Variants in MAST4 observed in about 807,000 individuals in gnomAD.
MAST4 encodes the protein microtubule-associated serine/threonine-protein kinase 4.
A neutral mutation model predicts 162.7 loss-of-function variants in MAST4; 89 were observed. The observed-to-expected ratio is 0.55, with a 90% confidence interval of 0.46 to 0.65. The LOEUF is 0.65. Among genes scored for constraint, MAST4 ranks in the 30% least tolerant of loss-of-function variants. The pLI, the probability that MAST4 is intolerant of heterozygous loss-of-function variation, is 0.00. For missense variants in MAST4, 3,153 were observed against 3,374.0 expected, an observed-to-expected ratio of 0.93 and a Z score of 1.62; for synonymous variants, 1,479 against 1,361.1, an observed-to-expected ratio of 1.09 and a Z score of -1.91.
In MAST4 at chr5:67,051,240, C is replaced by G. The variant is rs139021928; in HGVS notation, c.675-3164C>G. 2.1e-4 allele frequency among the ~76,000 whole-genome samples: 31 copies of G among 149,772 alleles called. No homozygotes were observed. The East Asian group carries it at 5.1e-3, about 25-fold the overall frequency. The stretch of plus-strand genomic sequence containing the variant: ...AGTTGTGCTGGTGAAAAGGAAGGAG[C>G]CTTTAATTTGCCTGAGTGGAGATGT... On this transcript the variant is annotated intron_variant, in intron 4 of 28. Coordinates refer to ENST00000403625, the MANE Select transcript of MAST4 (RefSeq NM_001164664.2).
intron 4 of MAST4, among the ~76,000 whole-genome samples, chr5:66,903,489 A>C (rs973825224): frequency 6.6e-6 from 1 of 151,282 alleles, no homozygotes; most frequent in Non-Finnish European, 1.5e-5. Flanking sequence ...ATTTTGTCTC[A>C]TAATGAAGAT....
At chr5:67,133,774 C>A in intron 17 of MAST4, 128 bp downstream of exon 17, 1 of 1,044,692 alleles carries the variant, frequency 9.6e-7, no homozygotes, top group Non-Finnish European at 1.4e-6. Context: ...ATAAACCTTA[C>A]ATTTAATAAA....
rs142962244 is a variant in MAST4 at position 66,664,835 on chromosome 5, A to G, written c.363+67817A>G. Among the ~76,000 whole-genome samples, 9 of 152,308 alleles carry G rather than the reference A, an allele frequency of 5.9e-5. No individual in the cohort carries two copies. In the East Asian group the frequency reaches 1.2e-3, roughly 20 times the overall value. ...TTTGTTAGGAGAACTGGAAATTTAA[A>G]AACAAATGGAAACATTACAACGAGA... is the stretch of plus-strand genomic sequence containing the variant. On this transcript the variant is annotated intron_variant, in intron 1 of 28. Coordinates refer to ENST00000403625, the MANE Select transcript of MAST4 (RefSeq NM_001164664.2).
chr5:67,060,518 C>T (rs577177117), intron 5 of MAST4, among the ~76,000 whole-genome samples: 2 of 145,716 alleles, frequency 1.4e-5, no homozygotes, highest in East Asian at 4.0e-4. Flanking sequence ...TGCTCTGTCG[C>T]CCAGGCTGGA....
chr5:66,724,731 T>A (rs1370161623), intron 1 of MAST4, among the ~76,000 whole-genome samples: 1 of 152,122 alleles, frequency 6.6e-6, no homozygotes, highest in East Asian at 1.9e-4. Context: ...ATCATAAGTA[T>A]TTTTATATCT....
rs1365732938 is a variant in MAST4 at position 66,928,403 on chromosome 5, G to C, written c.674+28421G>C. Among the ~76,000 whole-genome samples the C allele has an allele frequency of 2.6e-5, 4 of 152,304 alleles. No homozygotes were observed. In the East Asian group the frequency reaches 7.7e-4, roughly 29 times the overall value. On this transcript the variant is annotated intron_variant, in intron 4 of 28. Coordinates refer to ENST00000403625, the MANE Select transcript of MAST4 (RefSeq NM_001164664.2). The stretch of plus-strand genomic sequence containing the variant: ...CTTGTTGGGGAGAGGACAATTGAAG[G>C]GTTCATTTGCCAGTTTGCAAAGTCA...
intron 1 of MAST4, among the ~76,000 whole-genome samples, chr5:66,611,574 T>C (rs997353523): frequency 6.6e-6 from 1 of 152,254 alleles, no homozygotes; most frequent in African/African-American, 2.4e-5. Flanking sequence ...TCAGAGCCTC[T>C]CTTGATATCT....
At chr5:66,673,516 G>GTTTTT (rs1422436456) in intron 1 of MAST4, among the ~76,000 whole-genome samples, 4 of 134,784 alleles carry the variant, frequency 3.0e-5, no homozygotes, top group East Asian at 4.2e-4. Flanking sequence ...AGTTTTTTTT[G>GTTTTT]TTTTTTGTTT....
At chr5:66,659,626 T>G (rs909300332) in intron 1 of MAST4, among the ~76,000 whole-genome samples, 3 of 152,248 alleles carry the variant, frequency 2.0e-5, no homozygotes, top group African/African-American at 7.2e-5. Context: ...TTTGTTATCA[T>G]GTATTTATTG....
intron 1 of MAST4, among the ~76,000 whole-genome samples, chr5:66,728,021 G>A (rs1245405867): frequency 6.6e-6 from 1 of 152,126 alleles, no homozygotes; most frequent in East Asian, 1.9e-4. Context: ...AGGTTTTTAA[G>A]CTCTAAAATG....
intron 4 of MAST4, among the ~76,000 whole-genome samples, chr5:66,944,754 G>A (rs1244123609): frequency 6.6e-6 from 1 of 152,062 alleles, no homozygotes; most frequent in African/African-American, 2.4e-5. Context: ...AGCCTAGACA[G>A]GGCTCAGCTG....
At chr5:66,633,659 A>G (rs1744922874) in intron 1 of MAST4, among the ~76,000 whole-genome samples, 1 of 152,204 alleles carries the variant, frequency 6.6e-6, no homozygotes, top group African/African-American at 2.4e-5. Flanking sequence ...AGTTTCAAGA[A>G]TTCAAATACT....
intron 1 of MAST4, among the ~76,000 whole-genome samples, chr5:66,724,857 G>C (rs532733239): frequency 1.3e-5 from 2 of 152,094 alleles, no homozygotes; most frequent in African/African-American, 4.8e-5. Flanking sequence ...AGCACTGACT[G>C]TATCTTAAAT....
intron 1 of MAST4, among the ~76,000 whole-genome samples, chr5:66,753,652 A>G (rs1753334611): frequency 6.6e-6 from 1 of 151,530 alleles, no homozygotes; most frequent in African/African-American, 2.4e-5. Flanking sequence ...AATTGTGGCA[A>G]TAATCAATAG....
chr5:66,614,065 G>A (rs1743479357), intron 1 of MAST4, among the ~76,000 whole-genome samples: 1 of 152,174 alleles, frequency 6.6e-6, no homozygotes, highest in Admixed American at 6.5e-5. Context: ...AAGGTGCTAG[G>A]TATAAATGTC....
rs116690678 is a variant in MAST4 at position 67,122,811 on chromosome 5, A to G, written c.1745+1709A>G. Among the ~76,000 whole-genome samples the G allele has an allele frequency of 9.9e-3, 1,507 of 152,314 alleles. 17 individuals carry two copies. Among genetic ancestry groups the G allele is most frequent in the African/African-American group, 0.035 (1,449 of 41,572 alleles). On this transcript the variant is annotated intron_variant, in intron 14 of 28. Coordinates refer to ENST00000403625, the MANE Select transcript of MAST4 (RefSeq NM_001164664.2). ...AACCACTGTATAGTAGATGAGGTAT[A>G]TCACACTTTGGGGAATAGTTGGGAA...
intron 8 of MAST4, 47 bp from the exon 9 acceptor site, chr5:67,102,489 A>G: frequency 1.9e-6 from 3 of 1,543,538 alleles, no homozygotes; most frequent in East Asian, 2.2e-5. Context: ...GCTTATTTTC[A>G]TTTCATGCTG....
Position 66,860,768 on chromosome 5 carries a change from AC to A in MAST4, c.643-39181del, listed in dbSNP as rs1322068236. Among the ~76,000 whole-genome samples the A allele has an allele frequency of 6.0e-4, 58 of 97,136 alleles. 1 individual carries two copies. Among genetic ancestry groups the A allele is most frequent in the African/African-American group, 1.8e-3 (47 of 26,030 alleles). The allele number at this position is 97,136 out of a possible 152,430, so 63.7% of individuals were successfully genotyped here. ...CCAGCCGCGAACTTAAAAAAACAAA[AC>A]CAAAAAAAAAAAAAAAACAAACAAA... On this transcript the variant is annotated intron_variant, in intron 3 of 28. Transcript: ENST00000403625.
At chr5:67,080,309 GA>G (rs1408174151) in intron 5 of MAST4, among the ~76,000 whole-genome samples, 1 of 152,158 alleles carries the variant, frequency 6.6e-6, no homozygotes, top group African/African-American at 2.4e-5. Flanking sequence ...TTCAAAGAGG[GA>G]TTTAAAGACC....
Sources: allele counts gnomAD v4.1 joint callset (sites outside exome capture counted in the v4.1 genomes callset), GRCh38; gene constraint gnomAD v4.1.1; transcripts MANE v1.5; gene names NCBI Gene and HGNC (gene_info 2026-07-23, HGNC 2026-07-21).